The following ADAM7 variants were observed in gnomAD, a reference collection of about 807,000 sequenced individuals.
The protein encoded by ADAM7 is disintegrin and metalloproteinase domain-containing protein 7.
A neutral mutation model predicts 102.9 loss-of-function variants in ADAM7; 97 were observed. The observed-to-expected ratio is 0.94, with a 90% confidence interval of 0.80 to 1.12. The LOEUF (loss-of-function observed/expected upper bound fraction) is 1.12, where lower values mean the gene tolerates loss of function less well. Ranked by LOEUF, ADAM7 falls within the 50% of genes most tolerant of loss-of-function variation. ADAM7 has a pLI of 0.00. For synonymous variants in ADAM7, 334 were observed against 304.4 expected (o/e 1.10, Z -1.01); for missense variants, 991 against 908.7 (o/e 1.09, Z -1.16).
intron 11 of ADAM7, among the ~76,000 whole-genome samples, chr8:24,488,446 A>G (rs990463): frequency 0.31 from 46,770 of 151,998 alleles, 7,476 homozygotes; most frequent in South Asian, 0.39. Flanking sequence ...GAGTAAAGTG[A>G]CTAACACAAC....
intron 17 of ADAM7, 114 bp from the exon 18 acceptor site, chr8:24,500,064 G>T: frequency 1.4e-6 from 1 of 736,896 alleles, no homozygotes; most frequent in Non-Finnish European, 2.1e-6. Context: ...TAAAAAGTTC[G>T]CGCTTGTGCT....
intron 11 of ADAM7, among the ~76,000 whole-genome samples, chr8:24,487,755 A>G (rs1820193808): frequency 6.6e-6 from 1 of 152,176 alleles, no homozygotes. Context: ...AGTCTATTCC[A>G]TAACTAGGCG....
chr8:24,486,116 T>A (rs1820136174), intron 10 of ADAM7, among the ~76,000 whole-genome samples: 1 of 152,182 alleles, frequency 6.6e-6, no homozygotes. Flanking sequence ...GTTAGATTAT[T>A]GCTACTCATA....
At position 24,485,588 on chromosome 8, in the gene ADAM7, A is replaced by G. The variant is rs576787102; in HGVS notation, c.960+227A>G. 2.6e-5 allele frequency among the ~76,000 whole-genome samples: 4 copies of G among 152,370 alleles called. No homozygotes were observed. The East Asian group carries it at 5.8e-4, about 22-fold the overall frequency. ...CATTTTGTTTAGAGTTTAAACGGAT[A>G]GTATACCACAGATCAGCATGCAATG... is the stretch of plus-strand genomic sequence containing the variant. On this transcript the variant is annotated intron_variant, in intron 10 of 21. Coordinates refer to ENST00000175238, the MANE Select transcript of ADAM7 (RefSeq NM_003817.4).
chr8:24,507,657 G>T, intron 21 of ADAM7, 122 bp downstream of exon 21: 1 of 756,638 alleles, frequency 1.3e-6, no homozygotes, highest in South Asian at 2.0e-5. Flanking sequence ...CAACAGATTA[G>T]GAAGGTTAGA....
At position 24,480,691 on chromosome 8, in the gene ADAM7, G is replaced by A. The variant is rs145884203; in HGVS notation, c.706-1451G>A. On this transcript the variant is annotated intron_variant, in intron 8 of 21. Coordinates refer to ENST00000175238, the MANE Select transcript of ADAM7 (RefSeq NM_003817.4). Reference sequence around the variant, plus strand: ...AATAGAGAGGGTCTGAAAATCCCACGTTAAAATAATTATTGCTATGTAGTA... The same window carrying A: ...AATAGAGAGGGTCTGAAAATCCCACATTAAAATAATTATTGCTATGTAGTA... Among the ~76,000 whole-genome samples the A allele has an allele frequency of 1.7e-3, 258 of 152,158 alleles. 1 individual carries two copies. The highest frequency in any genetic ancestry group is 5.9e-3 in the African/African-American group (246 of 41,510).
In ADAM7 at chr8:24,465,730, A is replaced by C; in HGVS notation, c.344A>C (p.His115Pro). The C allele has an allele frequency of 6.2e-7, 1 of 1,610,900 alleles. No individual in the cohort carries two copies. Among genetic ancestry groups the C allele is most frequent in the Non-Finnish European group, 8.5e-7 (1 of 1,178,498 alleles). ...DHCFYQGSIV[H>P]EYDSAASIST... ...TGTTTTTACCAAGGATCCATAGTAC[A>C]CGAATATGATTCAGCTGCCAGTATC... Residue 115 changes from histidine (H) to proline (P), a missense_variant, in exon 5 of 22, where the codon CAC becomes CCC. His to Pro is a moderately conservative substitution (Grantham distance 77). Transcript: ENST00000175238.
intron 13 of ADAM7, among the ~76,000 whole-genome samples, 197 bp from the exon 14 acceptor site, chr8:24,491,706 C>T (rs1220358759): frequency 6.6e-6 from 1 of 152,166 alleles, no homozygotes; most frequent in African/African-American, 2.4e-5. Context: ...ACTTCAAAAA[C>T]ATCATTTTGT....
At chr8:24,480,975 T>A (rs949622931) in intron 8 of ADAM7, among the ~76,000 whole-genome samples, 8 of 152,110 alleles carry the variant, frequency 5.3e-5, no homozygotes, top group Non-Finnish European at 8.8e-5. Flanking sequence ...GGTGGGAGGA[T>A]CCTTTGAGCG....
intron 7 of ADAM7, among the ~76,000 whole-genome samples, chr8:24,473,597 T>C (rs751134125): frequency 5.3e-5 from 8 of 152,164 alleles, no homozygotes; most frequent in African/African-American, 1.2e-4. Flanking sequence ...TAAAAAGATA[T>C]AGATACCTGT....
chr8:24,476,644 G>A, intron 8 of ADAM7, 140 bp downstream of exon 8: 2 of 508,612 alleles, frequency 3.9e-6, no homozygotes, highest in Non-Finnish European at 6.7e-6. Context: ...AAAATCCACG[G>A]GAAAAAATAA....
chr8:24,499,791 T>C (rs1299275666), intron 17 of ADAM7, among the ~76,000 whole-genome samples: 1 of 114,324 alleles, frequency 8.7e-6, no homozygotes, highest in Admixed American at 1.1e-4. Flanking sequence ...AACACTTATA[T>C]AGTAATACAC....
chr8:24,461,724 T>C (rs1292923139), intron 3 of ADAM7, among the ~76,000 whole-genome samples: 1 of 152,136 alleles, frequency 6.6e-6, no homozygotes, highest in African/African-American at 2.4e-5. Context: ...TTTCTATTAA[T>C]CTCTCATTGA....
intron 8 of ADAM7, among the ~76,000 whole-genome samples, chr8:24,479,103 G>A (rs1819863747): frequency 6.6e-6 from 1 of 152,008 alleles, no homozygotes; most frequent in Non-Finnish European, 1.5e-5. Flanking sequence ...CACGTTTATT[G>A]AGAGCCAGCA....
At chr8:24,443,655 T>C (rs1818449929) in intron 2 of ADAM7, among the ~76,000 whole-genome samples, 1 of 152,244 alleles carries the variant, frequency 6.6e-6, no homozygotes, top group South Asian at 2.1e-4. Flanking sequence ...AATCTCATTA[T>C]GGCTGGGTGC....
chr8:24,472,459 C>T (rs1819639241), intron 7 of ADAM7, among the ~76,000 whole-genome samples: 1 of 151,748 alleles, frequency 6.6e-6, no homozygotes, highest in Non-Finnish European at 1.5e-5. Flanking sequence ...TAAATTAAAC[C>T]ACTAAAAGAC....
intron 3 of ADAM7, among the ~76,000 whole-genome samples, chr8:24,452,811 G>A (rs1323058596): frequency 6.6e-5 from 10 of 151,430 alleles, no homozygotes; most frequent in Admixed American, 1.3e-4. Context: ...TCCATGTTTC[G>A]TGCTTCCTTC....
At position 24,482,148 on chromosome 8, in the gene ADAM7, A is replaced by T. The variant is rs2129388307; in HGVS notation, c.712A>T (p.Lys238Ter). Residue 238 changes from lysine to a stop codon, truncating the protein, a stop_gained, in exon 9 of 22, where the codon AAA becomes TAA. Transcript: ENST00000175238. LOFTEE classifies it high-confidence loss of function. ...GMVNFVNMIY[K>*]TLNIHVTLVG... ...TGATTTCTTCTTTGAACAGATTTATAAAACCTTAAACATCCATGTGACGTT... is the reference window on the plus strand; with the variant it reads ...TGATTTCTTCTTTGAACAGATTTATTAAACCTTAAACATCCATGTGACGTT... 1 of 1,579,210 alleles carries T rather than the reference A, an allele frequency of 6.3e-7. No homozygotes were observed. The highest frequency in any genetic ancestry group is 2.3e-5 in the East Asian group (1 of 44,296).
At chr8:24,472,101 C>A (rs1180389049) in intron 7 of ADAM7, among the ~76,000 whole-genome samples, 1 of 129,886 alleles carries the variant, frequency 7.7e-6, no homozygotes, top group East Asian at 2.2e-4. Flanking sequence ...AAATACCTAA[C>A]AACAAAGTAT....
Sources: allele counts gnomAD v4.1 joint callset (sites outside exome capture counted in the v4.1 genomes callset), GRCh38; gene constraint gnomAD v4.1.1; transcripts MANE v1.5; gene names NCBI Gene and HGNC (gene_info 2026-07-23, HGNC 2026-07-21).